Variants in KIF1A observed in about 807,000 individuals in gnomAD.
KIF1A encodes the protein kinesin-like protein KIF1A.
In KIF1A, 46 loss-of-function variants were observed where a neutral mutation model predicts 227.3. That is an observed-to-expected ratio of 0.20 (90% CI 0.16 to 0.26). KIF1A has a LOEUF of 0.26. Ranked by LOEUF, KIF1A falls within the 10% of genes least tolerant of loss-of-function variation. KIF1A has a pLI of 1.00. For missense variants in KIF1A, 1,683 were observed against 2,485.9 expected (o/e 0.68, Z 6.87); for synonymous variants, 1,022 against 1,012.8 (o/e 1.01, Z -0.17).
intron 28 of KIF1A, among the ~76,000 whole-genome samples, chr2:240,747,638 C>T (rs2048761547): frequency 6.6e-6 from 1 of 152,214 alleles, no homozygotes; most frequent in Admixed American, 6.5e-5. Flanking sequence ...CCCAGGTAGC[C>T]CCTCCCCATC....
Position 240,778,107 on chromosome 2 carries a change from C to T in KIF1A, c.883-2181G>A, listed in dbSNP as rs1461411829. On this transcript the variant is annotated intron_variant, in intron 10 of 48. Coordinates refer to ENST00000498729, the MANE Select transcript of KIF1A (RefSeq NM_001244008.2). The surrounding 1 kb of genome is among the most constrained non-coding windows in gnomAD (Gnocchi z 7.2). ...TCGCGTTTCTCCACACGGTTCTTCA[C>T]GCAGCTCCTCCTGCTTCCCCCTTTA... 4.6e-5 allele frequency among the ~76,000 whole-genome samples: 7 copies of T among 152,082 alleles called. No individual in the cohort carries two copies. Among genetic ancestry groups the T allele is most frequent in the Non-Finnish European group, 8.8e-5 (6 of 68,006 alleles).
At chr2:240,753,124 C>G (rs2049421561) in intron 27 of KIF1A, among the ~76,000 whole-genome samples, 1 of 152,220 alleles carries the variant, frequency 6.6e-6, no homozygotes, top group Admixed American at 6.5e-5. Context: ...TCTGAGCTAC[C>G]CAGGACCACA....
chr2:240,718,143 G>T lies in KIF1A; in HGVS notation c.5240C>A (p.Thr1747Lys). 1 of 1,607,884 alleles carries T rather than the reference G, an allele frequency of 6.2e-7. No homozygotes were observed. The highest frequency in any genetic ancestry group is 8.5e-7 in the Non-Finnish European group (1 of 1,177,594). Residue 1747 changes from threonine to lysine, a missense_variant, in exon 48 of 49, where the codon ACG becomes AAG. Physicochemically the swap from Thr to Lys is moderately conservative, Grantham distance 78 (BLOSUM62 -1). This residue lies in a region of KIF1A where 384 missense variants were observed against 410.1 expected (regional missense o/e 0.94). Transcript: ENST00000498729. ...CTGCAGCAGGATGCCGCGGTGTTCC[G>T]TGCACACCGCGAATGTGTTGGGTGT... ...LKTPNTFAVC[T>K]EHRGILLQAA...
intron 42 of KIF1A, 82 bp from the exon 43 acceptor site, chr2:240,722,738 C>T: frequency 8.5e-7 from 1 of 1,176,696 alleles, no homozygotes; most frequent in South Asian, 1.6e-5. Flanking sequence ...AGCAGCATGA[C>T]CCTCTGGGCA....
In KIF1A at chr2:240,736,582, G is replaced by A. The variant is rs1282540103; in HGVS notation, c.4007+481C>T. Among the ~76,000 whole-genome samples, 1 of 152,180 alleles carries A rather than the reference G, an allele frequency of 6.6e-6. No individual in the cohort carries two copies. The highest frequency in any genetic ancestry group is 1.5e-5 in the Non-Finnish European group (1 of 68,032). ...GGGACCGCCCAGACTGTGGGGTCTT[G>A]GCCGTGCAAGGAGTGTAGGAAGGAG... On this transcript the variant is annotated intron_variant, in intron 38 of 48. Transcript: ENST00000498729. This position sits in a 1 kb window ranked among gnomAD's most constrained non-coding sequence, Gnocchi z 4.7.
At chr2:240,798,315 G>A (rs2056627550) in intron 1 of KIF1A, among the ~76,000 whole-genome samples, 1 of 152,254 alleles carries the variant, frequency 6.6e-6, no homozygotes, top group Admixed American at 6.5e-5. Context: ...CTCTGAATTA[G>A]CAAGAAAGAA....
At chr2:240,743,888 T>C in intron 33 of KIF1A, 54 bp downstream of exon 33, 1 of 1,183,870 alleles carries the variant, frequency 8.4e-7, no homozygotes, top group Non-Finnish European at 1.3e-6. Flanking sequence ...TGAAAAGATC[T>C]GGGCAGGGGC....
At chr2:240,777,076 C>T (rs2052841664) in intron 10 of KIF1A, among the ~76,000 whole-genome samples, 3 of 152,048 alleles carry the variant, frequency 2.0e-5, no homozygotes, top group African/African-American at 7.2e-5. Context: ...ACAGAGTCTC[C>T]CTCTGTCACC....
At chr2:240,765,891 C>A (rs2125919212) in intron 19 of KIF1A, 98 bp from the exon 20 acceptor site, 2 of 800,860 alleles carry the variant, frequency 2.5e-6, no homozygotes, top group Middle Eastern at 2.4e-4. Flanking sequence ...CTCTTCCAAG[C>A]CTCTCGCCTC....
chr2:240,720,620 T>C, intron 45 of KIF1A: 2 of 257,482 alleles, frequency 7.8e-6, no homozygotes, highest in Admixed American at 4.8e-5. Context: ...TCTTTTTCCA[T>C]TATTTTATAA....
intron 1 of KIF1A, among the ~76,000 whole-genome samples, chr2:240,801,569 G>A (rs931688711): frequency 6.6e-6 from 1 of 152,202 alleles, no homozygotes; most frequent in Non-Finnish European, 1.5e-5. Context: ...GCCATGGTCT[G>A]AATGTTTGTG....
intron 20 of KIF1A, among the ~76,000 whole-genome samples, 173 bp downstream of exon 20, chr2:240,765,537 G>A (rs935643116): frequency 6.6e-6 from 1 of 152,206 alleles, no homozygotes; most frequent in Non-Finnish European, 1.5e-5. Context: ...TTGGGGGACT[G>A]GGGAGGCACA....
rs1036859939 is a variant in KIF1A at position 240,758,208 on chromosome 2, C to A, written c.2582+152G>T. ...TGTGGAGAGGAATGGCTGGGAGGAA[C>A]CTCAGGCCAGGGAGGACAGGGCTGG... On this transcript the variant is annotated intron_variant, in intron 26 of 48. Transcript: ENST00000498729. The surrounding 1 kb of genome is among the most constrained non-coding windows in gnomAD (Gnocchi z 5.2). Among the ~76,000 whole-genome samples the A allele has an allele frequency of 1.3e-5, 2 of 152,148 alleles. No homozygotes were observed.
At chr2:240,781,463 C>CCACACACACACACACACACAGCTCCACA (rs2053983816) in intron 10 of KIF1A, among the ~76,000 whole-genome samples, 1 of 28,602 alleles carries the variant, frequency 3.5e-5, no homozygotes, top group Non-Finnish European at 6.8e-5. Flanking sequence ...ACACACAGCT[C>CCACACACACACACACACACAGCTCCACA]CACACACACA....
intron 38 of KIF1A, among the ~76,000 whole-genome samples, chr2:240,729,981 A>G (rs2046421233): frequency 6.6e-6 from 1 of 152,098 alleles, no homozygotes; most frequent in Non-Finnish European, 1.5e-5. Flanking sequence ...TGCCCAGGGG[A>G]GCTGTACCCT....
intron 33 of KIF1A, 109 bp from the exon 34 acceptor site, chr2:240,743,093 CTCTCT>C (rs1258947482): frequency 1.2e-6 from 1 of 835,536 alleles, no homozygotes; most frequent in African/African-American, 1.7e-5. Flanking sequence ...CCCTCCCACC[CTCTCT>C]TCTCCAAGAC....
In KIF1A at chr2:240,757,381, G is replaced by A. The variant is rs766588776; in HGVS notation, c.2796C>T (p.His932=). The change falls in exon 27 of 49, where the codon CAC becomes CAT. Residue 932 remains histidine (H), a synonymous_variant. Transcript: ENST00000498729. The surrounding 1 kb of genome is among the most constrained non-coding windows in gnomAD (Gnocchi z 6.2). ...ACGGGTCCCGGCCGTCGCACAGCGC[G>A]TGCTCCGGAAAGACGTCGTCCTCCA... ...EDLEDDVFPE[H]ALCDGRDPFY... is the part of the protein sequence containing the mutation. 2.3e-5 allele frequency: 35 copies of A among 1,550,302 alleles called. No homozygotes were observed. In the South Asian group the frequency reaches 3.0e-4, roughly 13 times the overall value.
intron 1 of KIF1A, among the ~76,000 whole-genome samples, chr2:240,809,933 G>A (rs1338357340): frequency 6.6e-6 from 1 of 151,158 alleles, no homozygotes; most frequent in Non-Finnish European, 1.5e-5. Context: ...CCAAGTAACT[G>A]GGGTTACAGG....
rs988003534 is a variant in KIF1A, at chr2:240,724,903, C to T, written c.4256+368G>A. 1.9e-4 allele frequency: 40 copies of T among 206,700 alleles called. 1 individual carries two copies. The highest frequency in any genetic ancestry group is 1.6e-4 in the Admixed American group (2 of 12,202). 12.8% of individuals were successfully genotyped at this position (206,700 alleles called of 1,614,324 possible). ...GCAGTCAGTCCCATGGCACAGGTTC[C>T]GTGGTCCTCAGGGAAGAAGGTCACC... On this transcript the variant is annotated intron_variant, in intron 40 of 48. Transcript: ENST00000498729.
Sources: allele counts gnomAD v4.1 joint callset (sites outside exome capture counted in the v4.1 genomes callset), GRCh38; gene constraint gnomAD v4.1.1; regional missense constraint gnomAD v4.1.1; non-coding constraint Gnocchi (gnomAD v3.1); transcripts MANE v1.5; gene names NCBI Gene and HGNC (gene_info 2026-07-23, HGNC 2026-07-21).